Variants in TSPEAR observed in about 807,000 individuals in gnomAD.
TSPEAR encodes the protein thrombospondin type laminin G domain and EAR repeats, also known as thrombospondin-type laminin G domain and EAR repeat-containing protein.
Under a neutral mutation model 71.6 loss-of-function variants are expected in TSPEAR, and 69 were observed. The observed-to-expected ratio is 0.96, with a 90% CI of 0.79 to 1.18. The LOEUF (loss-of-function observed/expected upper bound fraction) is 1.18. Among genes scored for constraint, TSPEAR ranks in the 50% most tolerant of loss-of-function variants. TSPEAR has a pLI of 0.00. For missense variants in TSPEAR, 971 were observed against 894.9 expected, an observed-to-expected ratio of 1.09 and a Z score of -1.09; for synonymous variants, 402 against 387.2, an observed-to-expected ratio of 1.04 and a Z score of -0.45.
At chr21:44,643,885 C>G (rs1417013208) in intron 1 of TSPEAR, among the ~76,000 whole-genome samples, 1 of 152,246 alleles carries the variant, frequency 6.6e-6, no homozygotes, top group Admixed American at 6.5e-5. Flanking sequence ...ACTTTGGAAA[C>G]AAGACCAGAG....
In TSPEAR at chr21:44,504,780, C is replaced by CTG. The variant is rs782786752; in HGVS notation, c.1854_1855dup (p.Arg619ThrfsTer49). ...GAGGCCGGCCTCGGCAGCTCATTAC[C>CTG]TGTAAATAATACTGTTCACCGAGAA... is the stretch of plus-strand genomic sequence containing the variant. On this transcript the variant is annotated frameshift_variant and splice_region_variant, in exon 11 of 12. Transcript: ENST00000323084. LOFTEE classifies it high-confidence loss of function. 5.0e-6 allele frequency: 8 copies of CTG among 1,612,114 alleles called. No individual in the cohort carries two copies. The highest frequency in any genetic ancestry group is 6.8e-6 in the Non-Finnish European group (8 of 1,178,550).
chr21:44,533,637 G>T, intron 3 of TSPEAR, 48 bp downstream of exon 3: 1 of 1,486,424 alleles, frequency 6.7e-7, no homozygotes, highest in Non-Finnish European at 9.2e-7. Flanking sequence ...GCCTGGCCTG[G>T]CAGGACTCTG....
At chr21:44,565,179 A>G (rs782218145) in intron 2 of TSPEAR, among the ~76,000 whole-genome samples, 4 of 152,182 alleles carry the variant, frequency 2.6e-5, no homozygotes, top group Non-Finnish European at 5.9e-5. Context: ...TACCTGTATT[A>G]AGAAAGATCT....
At chr21:44,500,113 T>C (rs2052001670) in intron 11 of TSPEAR, among the ~76,000 whole-genome samples, 177 bp from the exon 12 acceptor site, 1 of 152,192 alleles carries the variant, frequency 6.6e-6, no homozygotes, top group Non-Finnish European at 1.5e-5. Context: ...GGCCTTCTCA[T>C]CTTGCAAAGC....
chr21:44,612,553 CCAGT>C lies in TSPEAR; in HGVS notation c.83-44552_83-44549del. 1 of 1,614,078 alleles carries C rather than the reference CCAGT, an allele frequency of 6.2e-7. No homozygotes were observed. The highest frequency in any genetic ancestry group is 8.5e-7 in the Non-Finnish European group (1 of 1,179,978). ...CCCCATGCTGCCAGCAGTCTAGCTG[CCAGT>C]CAGCTTGCTGCACCTTCTCCCCATG... On this transcript the variant is annotated intron_variant, in intron 1 of 11. Transcript: ENST00000323084. This position sits in a 1 kb window ranked among gnomAD's most constrained non-coding sequence, Gnocchi z 4.1.
chr21:44,571,939 G>A lies in TSPEAR; in HGVS notation c.83-3934C>T, dbSNP rs78337155. 4.0e-3 allele frequency among the ~76,000 whole-genome samples: 604 copies of A among 152,330 alleles called. 4 individuals carry two copies. Among genetic ancestry groups the A allele is most frequent in the African/African-American group, 0.014 (562 of 41,580 alleles). On this transcript the variant is annotated intron_variant, in intron 1 of 11. Coordinates refer to ENST00000323084, the MANE Select transcript of TSPEAR (RefSeq NM_144991.3). ...CAACAGAGCCCCACAGGGACCGTGC[G>A]GGCGAGGCCCCCGGAGGGGCACCAG...
At chr21:44,649,961 C>T (rs1555941090) in intron 1 of TSPEAR, among the ~76,000 whole-genome samples, 2 of 152,182 alleles carry the variant, frequency 1.3e-5, no homozygotes, top group African/African-American at 4.8e-5. Flanking sequence ...GTGGCGCATG[C>T]CTGTAATCTC....
chr21:44,625,383 A>G (rs1232394673), intron 1 of TSPEAR, among the ~76,000 whole-genome samples: 1 of 152,242 alleles, frequency 6.6e-6, no homozygotes, highest in Non-Finnish European at 1.5e-5. Context: ...ACTTGAGCCC[A>G]GGAGTTCAAG....
chr21:44,655,254 G>A (rs1196414152), intron 1 of TSPEAR, among the ~76,000 whole-genome samples: 1 of 151,898 alleles, frequency 6.6e-6, no homozygotes, highest in Non-Finnish European at 1.5e-5. Context: ...CCACTGCAGA[G>A]GTGCAGGGAT....
At position 44,499,759 on chromosome 21, in the gene TSPEAR, A is replaced by C; in HGVS notation, c.*24T>G. ...GGGTCCCGCCCCACCTGGCCACCCCAGTTGCTGCCGGGCAGCCGCGGCCTC... is the reference window on the plus strand; with the variant it reads ...GGGTCCCGCCCCACCTGGCCACCCCCGTTGCTGCCGGGCAGCCGCGGCCTC... On this transcript the variant is annotated 3_prime_UTR_variant, in exon 12 of 12. Transcript: ENST00000323084. 1 of 1,542,382 alleles carries C rather than the reference A, an allele frequency of 6.5e-7. No homozygotes were observed. The highest frequency in any genetic ancestry group is 8.7e-7 in the Non-Finnish European group (1 of 1,144,956).
At chr21:44,701,439 A>G (rs879017575) in intron 1 of TSPEAR, among the ~76,000 whole-genome samples, 1 of 152,220 alleles carries the variant, frequency 6.6e-6, no homozygotes, top group Non-Finnish European at 1.5e-5. Flanking sequence ...ATTCAAGCGC[A>G]TTACATTTAT....
intron 2 of TSPEAR, 68 bp from the exon 3 acceptor site, chr21:44,533,991 G>T: frequency 1.7e-6 from 2 of 1,170,170 alleles, no homozygotes; most frequent in Non-Finnish European, 2.5e-6. Context: ...CAGGGCAGAT[G>T]GGAATGGCAG....
intron 9 of TSPEAR, chr21:44,515,905 T>A (rs1359119123): frequency 3.9e-5 from 6 of 152,224 alleles, no homozygotes. Flanking sequence ...GACCCCACCA[T>A]GGTGTGAGGC....
At position 44,498,264 on chromosome 21, in the gene TSPEAR, TG is replaced by T. The variant is rs2051966141; in HGVS notation, c.*1518del. 6.6e-6 allele frequency: 1 copy of T among 152,206 alleles called. No individual in the cohort carries two copies. The highest frequency in any genetic ancestry group is 1.5e-5 in the Non-Finnish European group (1 of 68,054). 9.4% of individuals were successfully genotyped at this position (152,206 alleles called of 1,614,324 possible). Reference sequence around the variant, plus strand: ...CTTTTTTCTTCTTGGTTGAGTGAATTGGGGTGTCGAGTTTTTAATCTTCCTT... The same window carrying T: ...CTTTTTTCTTCTTGGTTGAGTGAATTGGGTGTCGAGTTTTTAATCTTCCTT... On this transcript the variant is annotated 3_prime_UTR_variant, in exon 12 of 12. Coordinates refer to ENST00000323084, the MANE Select transcript of TSPEAR (RefSeq NM_144991.3).
intron 1 of TSPEAR, among the ~76,000 whole-genome samples, chr21:44,622,273 A>T (rs1256767668): frequency 6.6e-6 from 1 of 151,914 alleles, no homozygotes; most frequent in Non-Finnish European, 1.5e-5. Context: ...TAAACCTCCC[A>T]TCTCATTTTG....
intron 2 of TSPEAR, among the ~76,000 whole-genome samples, chr21:44,534,516 G>A (rs2053054437): frequency 1.3e-5 from 2 of 151,824 alleles, no homozygotes; most frequent in African/African-American, 2.4e-5. Flanking sequence ...GAGGGCTGCT[G>A]GGCCAGGGGC....
At chr21:44,589,513 G>A in intron 1 of TSPEAR, among the ~76,000 whole-genome samples, 1 of 152,242 alleles carries the variant, frequency 6.6e-6, no homozygotes, top group African/African-American at 2.4e-5. Context: ...CCTAGAACTG[G>A]AGTGGCAGGA....
chr21:44,508,335 T>G, intron 10 of TSPEAR: 5 of 279,178 alleles, frequency 1.8e-5, no homozygotes, highest in Non-Finnish European at 2.8e-5. Context: ...TGTCTCAAGC[T>G]GAGATTAGAG....
In TSPEAR at chr21:44,626,960, G is replaced by T. The variant is rs73907082; in HGVS notation, c.83-58955C>A. On this transcript the variant is annotated intron_variant, in intron 1 of 11. Coordinates refer to ENST00000323084, the MANE Select transcript of TSPEAR (RefSeq NM_144991.3). ...GGTGTGACAGGAGATTTGTGAGCTG[G>T]GCAATGTCACCAGCAAACAAACATC... is the stretch of plus-strand genomic sequence containing the variant. 8.7e-3 allele frequency among the ~76,000 whole-genome samples: 1,319 copies of T among 152,204 alleles called. 20 individuals carry two copies. Among genetic ancestry groups the T allele is most frequent in the African/African-American group, 0.03 (1,249 of 41,502 alleles).
Sources: gnomAD v4.1 joint callset for allele counts (sites outside exome capture counted in the v4.1 genomes callset) on GRCh38, gnomAD v4.1.1 for gene constraint, Gnocchi (gnomAD v3.1) non-coding constraint, MANE v1.5 for transcripts, NCBI Gene and HGNC (gene_info 2026-07-23, HGNC 2026-07-21) for gene names.